CSNK1E: variants seen among roughly 807,000 people sequenced by gnomAD.
CSNK1E encodes casein kinase I isoform epsilon.
Under a neutral mutation model 46.1 loss-of-function variants are expected in CSNK1E, and 17 were observed. The ratio of observed to expected loss-of-function variants is 0.37; its 90% CI spans 0.25 to 0.55. The LOEUF is 0.55. CSNK1E is among the 20% of genes least tolerant of loss of function. The pLI, the probability that CSNK1E is intolerant of heterozygous loss-of-function variation, is 0.82. For missense variants in CSNK1E, 386 were observed against 595.4 expected (o/e 0.65, Z 3.66); for synonymous variants, 241 against 242.6 (o/e 0.99, Z 0.06).
At chr22:38,302,769 C>A in intron 4 of CSNK1E, 92 bp downstream of exon 4, 1 of 1,494,122 alleles carries the variant, frequency 6.7e-7, no homozygotes, top group Non-Finnish European at 9.2e-7. Flanking sequence ...CTGGCCCAGG[C>A]CCATCCTCTG....
Position 38,317,360 on chromosome 22 carries a change from C to G in CSNK1E, c.-213G>C, listed in dbSNP as rs1443617239. The G allele has an allele frequency of 1.3e-5, 2 of 149,294 alleles. No individual in the cohort carries two copies. The highest frequency in any genetic ancestry group is 2.9e-5 in the Non-Finnish European group (2 of 68,896). The allele number at this position is 149,294 out of a possible 1,614,324, so 9.2% of individuals were successfully genotyped here. A position where few individuals can be genotyped will look rare whatever the true frequency, so the allele number is the denominator to read the frequency against. On this transcript the variant is annotated 5_prime_UTR_variant, in exon 1 of 11. Coordinates refer to ENST00000396832, the MANE Select transcript of CSNK1E (RefSeq NM_152221.3). The stretch of plus-strand genomic sequence containing the variant: ...GGCTCTGGGCTCTCGCCGCCGCCGC[C>G]GCCGCCGCCGCCGCCTCCCTCCTCC...
rs929957962 is a variant in CSNK1E, at chr22:38,296,870, G to A, written c.885+1916C>T. On this transcript the variant is annotated intron_variant, in intron 7 of 10. Coordinates refer to ENST00000396832, the MANE Select transcript of CSNK1E (RefSeq NM_152221.3). ...GCTCACTCCAATCTCTGCCTCCTGGGTTCAAGCGATTCTCCTGCCTCAGCC... is the reference window on the plus strand; with the variant it reads ...GCTCACTCCAATCTCTGCCTCCTGGATTCAAGCGATTCTCCTGCCTCAGCC... 6.7e-5 allele frequency: 46 copies of A among 688,682 alleles called. 1 individual carries two copies. In the Admixed American group the frequency reaches 1.3e-3, roughly 19 times the overall value. The allele number at this position is 688,682 out of a possible 1,614,324, so 42.7% of individuals were successfully genotyped here. A position where few individuals can be genotyped will look rare whatever the true frequency, so the allele number is the denominator to read the frequency against.
intron 7 of CSNK1E, among the ~76,000 whole-genome samples, chr22:38,295,625 C>A (rs1384170750): frequency 1.3e-5 from 2 of 152,156 alleles, no homozygotes; most frequent in Non-Finnish European, 1.5e-5. Flanking sequence ...TAGTGAGGCA[C>A]CAAGGCCCAG....
In CSNK1E at chr22:38,302,854, G is replaced by A. The variant is rs925417143; in HGVS notation, c.336+7C>T. 5.0e-6 allele frequency: 8 copies of A among 1,613,914 alleles called. No homozygotes were observed. Among genetic ancestry groups the A allele is most frequent in the Non-Finnish European group, 6.8e-6 (8 of 1,179,976 alleles). ...TCTGGCTGGGGATGGAGGGGACGGG[G>A]ACTCACCATCTGGTCGGCCAAGAGC... On this transcript the variant is annotated splice_region_variant and intron_variant, in intron 4 of 10. Transcript: ENST00000396832.
chr22:38,299,730 G>A (rs940695077), intron 6 of CSNK1E, among the ~76,000 whole-genome samples, 165 bp downstream of exon 6: 4 of 152,196 alleles, frequency 2.6e-5, no homozygotes. Context: ...GGCTGGTCTC[G>A]ACCTCCTGAC....
chr22:38,295,014 T>C (rs2092632505), intron 7 of CSNK1E, among the ~76,000 whole-genome samples: 1 of 152,052 alleles, frequency 6.6e-6, no homozygotes, highest in Non-Finnish European at 1.5e-5. Context: ...ACAAAACTAG[T>C]GGAAGGCTGG....
At chr22:38,295,887 C>G (rs556524620) in intron 7 of CSNK1E, among the ~76,000 whole-genome samples, 1 of 152,256 alleles carries the variant, frequency 6.6e-6, no homozygotes, top group South Asian at 2.1e-4. Flanking sequence ...CGGTTGCAGG[C>G]TGGCCAACAG....
At chr22:38,305,907 TTACCTGACATCCTA>T (rs772503852) in intron 2 of CSNK1E, among the ~76,000 whole-genome samples, 13 of 152,108 alleles carry the variant, frequency 8.5e-5, no homozygotes, top group Non-Finnish European at 1.8e-4. Flanking sequence ...TTCTGGGAGT[TTACCTGACATCCTA>T]GCACGGTGCA....
chr22:38,302,518 G>A (rs2092678145), intron 4 of CSNK1E, among the ~76,000 whole-genome samples: 1 of 152,148 alleles, frequency 6.6e-6, no homozygotes, highest in South Asian at 2.1e-4. Context: ...GCTAAGATGG[G>A]CGGATCACTT....
intron 7 of CSNK1E, chr22:38,296,068 C>T: frequency 1.4e-6 from 1 of 701,990 alleles, no homozygotes; most frequent in Non-Finnish European, 1.8e-6. Context: ...AGCCCTGCAG[C>T]CAGCAGCCAA....
rs1482382204 is a variant in CSNK1E at position 38,309,785 on chromosome 22, A to G, written c.76+4297T>C. On this transcript the variant is annotated intron_variant, in intron 2 of 10. Coordinates refer to ENST00000396832, the MANE Select transcript of CSNK1E (RefSeq NM_152221.3). The surrounding 1 kb of genome is among the most constrained non-coding windows in gnomAD (Gnocchi z 4.8). ...TTGCATTTCTGTTTGACATGTGGAAAAACAGACACCAAAGGTCAAATGATC... is the reference window on the plus strand; with the variant it reads ...TTGCATTTCTGTTTGACATGTGGAAGAACAGACACCAAAGGTCAAATGATC... Among the ~76,000 whole-genome samples the G allele has an allele frequency of 6.6e-6, 1 of 152,146 alleles. No individual in the cohort carries two copies. Among genetic ancestry groups the G allele is most frequent in the Non-Finnish European group, 1.5e-5 (1 of 68,038 alleles).
intron 7 of CSNK1E, chr22:38,296,728 G>GCTAATTTTTTTGTGGTTTT: frequency 6.3e-7 from 1 of 1,599,072 alleles, no homozygotes; most frequent in South Asian, 1.1e-5. Context: ...AGTCTTGTGA[G>GCTAATTTTTTTGTGGTTTT]ACTCCATAAG....
At chr22:38,310,634 G>C (rs2092716769) in intron 2 of CSNK1E, among the ~76,000 whole-genome samples, 4 of 152,256 alleles carry the variant, frequency 2.6e-5, no homozygotes, top group Admixed American at 2.6e-4. Context: ...TCCCCAGGAT[G>C]CAAGTCTAGC....
chr22:38,291,186 G>C lies in CSNK1E; in HGVS notation c.*785C>G, dbSNP rs113536507. 1 of 152,258 alleles carries C rather than the reference G, an allele frequency of 6.6e-6. No individual in the cohort carries two copies. The highest frequency in any genetic ancestry group is 2.4e-5 in the African/African-American group (1 of 41,452). The allele number at this position is 152,258 out of a possible 1,614,324, so 9.4% of individuals were successfully genotyped here. Reference sequence around the variant, plus strand: ...GCTGATGACGGGCTAGGGGGGGACCGGTGGCAGCGAGGACCCTCTGAGCTC... The same window carrying C: ...GCTGATGACGGGCTAGGGGGGGACCCGTGGCAGCGAGGACCCTCTGAGCTC... On this transcript the variant is annotated 3_prime_UTR_variant, in exon 11 of 11. Transcript: ENST00000396832.
intron 1 of CSNK1E, among the ~76,000 whole-genome samples, chr22:38,316,139 G>GAT (rs1028483446): frequency 7.2e-5 from 11 of 152,030 alleles, no homozygotes; most frequent in Non-Finnish European, 1.3e-4. Context: ...GGGAAAAGTG[G>GAT]ATATAAAGGT....
At chr22:38,316,080 T>C (rs1251874876) in intron 1 of CSNK1E, among the ~76,000 whole-genome samples, 1 of 151,212 alleles carries the variant, frequency 6.6e-6, no homozygotes, top group Non-Finnish European at 1.5e-5. Flanking sequence ...GCTTTTCAGT[T>C]CTTTTGCTGC....
chr22:38,311,015 T>C (rs1434337202), intron 2 of CSNK1E, among the ~76,000 whole-genome samples: 1 of 152,178 alleles, frequency 6.6e-6, no homozygotes, highest in Non-Finnish European at 1.5e-5. Flanking sequence ...CAGGGTCCCC[T>C]GAGGCCCTTG....
At chr22:38,306,086 T>C (rs1327865043) in intron 2 of CSNK1E, among the ~76,000 whole-genome samples, 1 of 152,186 alleles carries the variant, frequency 6.6e-6, no homozygotes, top group Non-Finnish European at 1.5e-5. Context: ...AAGCTCTCTC[T>C]GCACACAAGT....
intron 2 of CSNK1E, among the ~76,000 whole-genome samples, chr22:38,307,033 T>C (rs2092701563): frequency 6.6e-6 from 1 of 152,036 alleles, no homozygotes; most frequent in Non-Finnish European, 1.5e-5. Flanking sequence ...TAGCCAGGCG[T>C]GGTAGCACGT....
Sources: allele counts gnomAD v4.1 joint callset (sites outside exome capture counted in the v4.1 genomes callset), GRCh38; gene constraint gnomAD v4.1.1; non-coding constraint Gnocchi (gnomAD v3.1); transcripts MANE v1.5; gene names NCBI Gene and HGNC (gene_info 2026-07-23, HGNC 2026-07-21).